E2F7: variants seen among roughly 807,000 people sequenced by gnomAD.
E2F7 encodes transcription factor E2F7.
A neutral mutation model predicts 81.1 loss-of-function variants in E2F7; 35 were observed. The observed-to-expected ratio is 0.43, with a 90% CI of 0.33 to 0.57. The LOEUF (loss-of-function observed/expected upper bound fraction) is 0.57. Among genes scored for constraint, E2F7 ranks in the 20% least tolerant of loss-of-function variants. The pLI, the probability that E2F7 is intolerant of heterozygous loss-of-function variation, is 0.04. For synonymous variants in E2F7, 416 were observed against 416.2 expected, an observed-to-expected ratio of 1.00 and a Z score of 0.01; for missense variants, 961 against 1,093.7, an observed-to-expected ratio of 0.88 and a Z score of 1.71.
At chr12:77,033,163 C>G in intron 8 of E2F7, 41 bp from the exon 9 acceptor site, 1 of 1,531,288 alleles carries the variant, frequency 6.5e-7, no homozygotes, top group South Asian at 1.1e-5. Context: ...TAGCAAGAGA[C>G]TTATACATAC....
intron 2 of E2F7, among the ~76,000 whole-genome samples, chr12:77,059,038 C>T (rs1955057387): frequency 6.6e-6 from 1 of 152,136 alleles, no homozygotes; most frequent in South Asian, 2.1e-4. Context: ...TCCAGGCATG[C>T]TGGGTGGACA....
chr12:77,054,214 A>G (rs1955012386), intron 3 of E2F7, among the ~76,000 whole-genome samples: 1 of 151,988 alleles, frequency 6.6e-6, no homozygotes, highest in African/African-American at 2.4e-5. Flanking sequence ...ACATGTACCC[A>G]CTGAACTTAA....
At chr12:77,062,481 G>A (rs1955086410) in intron 2 of E2F7, among the ~76,000 whole-genome samples, 1 of 152,140 alleles carries the variant, frequency 6.6e-6, no homozygotes. Flanking sequence ...TAGTAACTCT[G>A]TGGAAGCACC....
intron 2 of E2F7, among the ~76,000 whole-genome samples, chr12:77,058,068 T>A (rs1408621656): frequency 1.3e-5 from 2 of 152,164 alleles, no homozygotes; most frequent in Non-Finnish European, 2.9e-5. Flanking sequence ...GGTCCTAGTA[T>A]AAGAGGAAGG....
chr12:77,030,378 TC>T (rs753225014), intron 9 of E2F7, 46 bp from the exon 10 acceptor site: 1 of 1,508,848 alleles, frequency 6.6e-7, no homozygotes, highest in Admixed American at 2.3e-5. Context: ...TTCTACCAAC[TC>T]CTGACCCTTT....
chr12:77,057,265 G>A (rs972845069), intron 2 of E2F7, among the ~76,000 whole-genome samples: 7 of 151,778 alleles, frequency 4.6e-5, no homozygotes, highest in South Asian at 2.1e-4. Flanking sequence ...GTGTGGAGAC[G>A]GGGTCTTGCC....
At chr12:77,061,247 C>T (rs1955076316) in intron 2 of E2F7, among the ~76,000 whole-genome samples, 1 of 152,202 alleles carries the variant, frequency 6.6e-6, no homozygotes. Context: ...CTGCTGCTTT[C>T]TGCACATATT....
At position 77,025,751 on chromosome 12, in the gene E2F7, A is replaced by G. The variant is rs370309789; in HGVS notation, c.2372T>C (p.Ile791Thr). 9.3e-6 allele frequency: 15 copies of G among 1,614,022 alleles called. No individual in the cohort carries two copies. Among genetic ancestry groups the G allele is most frequent in the Non-Finnish European group, 1.3e-5 (15 of 1,180,042 alleles). ...TGTGGGGCCGACGAGAAGCTGGGCTATTGATCCAAGGCCAGGCAAGCTGAA... is the reference window on the plus strand; with the variant it reads ...TGTGGGGCCGACGAGAAGCTGGGCTGTTGATCCAAGGCCAGGCAAGCTGAA... ...VNFSLPGLGS[I>T]AQLLVGPTAV... Residue 791 changes from isoleucine (I) to threonine (T), a missense_variant, in exon 12 of 13, where the codon ATA becomes ACA. Ile to Thr is a moderately conservative substitution (Grantham distance 89). Coordinates refer to ENST00000322886, the MANE Select transcript of E2F7 (RefSeq NM_203394.3).
Position 77,030,019 on chromosome 12 carries a change from C to T in E2F7, c.1696G>A (p.Ala566Thr). 6.2e-7 allele frequency: 1 copy of T among 1,614,210 alleles called. No homozygotes were observed. The highest frequency in any genetic ancestry group is 8.5e-7 in the Non-Finnish European group (1 of 1,180,034). The change falls in exon 10 of 13, where the codon GCG becomes ACG. Residue 566 changes from alanine to threonine, a missense_variant. Ala to Thr is a moderately conservative substitution (Grantham distance 58, BLOSUM62 0). Transcript: ENST00000322886. ...MLYGSLQEGP[A>T]SGSGSERDDR... The stretch of plus-strand genomic sequence containing the variant: ...TCCCTCTCTGACCCTGACCCTGACG[C>T]TGGTCCCTCCTGCAGACTTCCATAC...
rs769023987 is a variant in E2F7 at position 77,056,098 on chromosome 12, G to A, written c.126C>T (p.Ala42=). 1 of 1,612,312 alleles carries A rather than the reference G, an allele frequency of 6.2e-7. No individual in the cohort carries two copies. The highest frequency in any genetic ancestry group is 8.5e-7 in the Non-Finnish European group (1 of 1,179,542). The change falls in exon 3 of 13, where the codon GCC becomes GCT. Residue 42 remains alanine, a synonymous_variant. Transcript: ENST00000322886. ...GTTCATTTTTTATTGGAGTCTTCGG[G>A]GCCATCCTTGATCGATCAACAAATA... is the stretch of plus-strand genomic sequence containing the variant. ...ENIFVDRSRM[A]PKTPIKNEPI...
intron 4 of E2F7, among the ~76,000 whole-genome samples, chr12:77,048,105 G>A (rs2120713263): frequency 6.6e-6 from 1 of 152,284 alleles, no homozygotes; most frequent in East Asian, 1.9e-4. Flanking sequence ...TGCACAGTGA[G>A]TGTTTAGTAG....
chr12:77,042,967 G>A (rs1257188712), intron 7 of E2F7, 98 bp downstream of exon 7: 3 of 1,564,054 alleles, frequency 1.9e-6, no homozygotes, highest in East Asian at 2.3e-5. Context: ...TGTGACATGG[G>A]AAAAAGATCA....
At chr12:77,040,830 T>C (rs1441472427) in intron 7 of E2F7, among the ~76,000 whole-genome samples, 3 of 152,210 alleles carry the variant, frequency 2.0e-5, no homozygotes, top group Non-Finnish European at 4.4e-5. Flanking sequence ...CTGCCATTTA[T>C]TGCATATCAA....
chr12:77,044,169 ACTGGGTG>A (rs1409601693), intron 6 of E2F7: 7 of 383,878 alleles, frequency 1.8e-5, no homozygotes, highest in African/African-American at 1.4e-4. Context: ...AGGAGGATGC[ACTGGGTG>A]TGATACTTGG....
At chr12:77,057,812 T>G (rs1955044985) in intron 2 of E2F7, among the ~76,000 whole-genome samples, 1 of 152,212 alleles carries the variant, frequency 6.6e-6, no homozygotes, top group Admixed American at 6.5e-5. Flanking sequence ...GTAGTATTCC[T>G]TTCCAGTCAA....
At chr12:77,030,982 C>T (rs1954801763) in intron 9 of E2F7, among the ~76,000 whole-genome samples, 1 of 152,180 alleles carries the variant, frequency 6.6e-6, no homozygotes, top group Non-Finnish European at 1.5e-5. Context: ...ACAAACTTAT[C>T]TTCTAAATTA....
intron 7 of E2F7, among the ~76,000 whole-genome samples, chr12:77,035,394 AG>A (rs1954840390): frequency 6.6e-6 from 1 of 152,220 alleles, no homozygotes; most frequent in South Asian, 2.1e-4. Context: ...AAAGCACTAG[AG>A]GGTACAATGC....
intron 2 of E2F7, among the ~76,000 whole-genome samples, chr12:77,062,072 CT>C (rs1217772786): frequency 6.6e-6 from 1 of 151,316 alleles, no homozygotes. Context: ...ATCTGGGCCC[CT>C]GAAAGTCTCC....
Position 77,046,222 on chromosome 12 carries a change from C to G in E2F7, c.645G>C (p.Leu215=). 2 of 1,614,186 alleles carry G rather than the reference C, an allele frequency of 1.2e-6. No homozygotes were observed. The highest frequency in any genetic ancestry group is 1.7e-6 in the Non-Finnish European group (2 of 1,180,034). The change falls in exon 5 of 13, where the codon CTG becomes CTC. Residue 215 remains leucine, a synonymous_variant. Transcript: ENST00000322886. ...NQYGWHGRHS[L]PKTLRNLQRL... The stretch of plus-strand genomic sequence containing the variant: ...TCTGGAGGTTCCTCAGGGTTTTTGG[C>G]AGGCTGTGCCGTCCATGCCAGCCAT...
Sources: gnomAD v4.1 joint callset for allele counts (sites outside exome capture counted in the v4.1 genomes callset) on GRCh38, gnomAD v4.1.1 for gene constraint, MANE v1.5 for transcripts, NCBI Gene and HGNC (gene_info 2026-07-23, HGNC 2026-07-21) for gene names.